Variants in EVI2A observed in about 807,000 individuals in gnomAD.
EVI2A encodes ecotropic viral integration site 2A.
Under a neutral mutation model 13.0 loss-of-function variants are expected in EVI2A, and 11 were observed. The ratio of observed to expected loss-of-function variants is 0.85; its 90% CI spans 0.53 to 1.40. The LOEUF (loss-of-function observed/expected upper bound fraction) is 1.40, where lower values mean the gene tolerates loss of function less well. Among genes scored for constraint, EVI2A ranks in the 40% most tolerant of loss-of-function variants. The pLI is 0.00. For missense variants in EVI2A, 267 were observed against 279.5 expected (o/e 0.96, Z 0.32); for synonymous variants, 89 against 98.0 (o/e 0.91, Z 0.54).
chr17:31,319,420 C>G (rs7222606), intron 1 of EVI2A, among the ~76,000 whole-genome samples: 16,835 of 151,728 alleles, frequency 0.11, 2,557 homozygotes, highest in African/African-American at 0.34. Flanking sequence ...ACTACCCACC[C>G]TCTAACCTGT....
rs1392337089 is a variant in EVI2A at position 31,316,971 on chromosome 17, A to C, written c.*1332T>G. ...CAATGCTTAGAGTTCACCCCATTCC[A>C]GTTGCATCAGAAGGAAGACATGGGA... is the stretch of plus-strand genomic sequence containing the variant. On this transcript the variant is annotated 3_prime_UTR_variant, in exon 2 of 2. Coordinates refer to ENST00000462804, the MANE Select transcript of EVI2A (RefSeq NM_014210.4). Among the ~76,000 whole-genome samples the C allele has an allele frequency of 2.6e-5, 4 of 152,172 alleles. No individual in the cohort carries two copies. The highest frequency in any genetic ancestry group is 1.3e-4 in the Admixed American group (2 of 15,270).
At chr17:31,320,564 C>T in intron 1 of EVI2A, 1 of 704,924 alleles carries the variant, frequency 1.4e-6, no homozygotes, top group Non-Finnish European at 2.3e-6. Context: ...TTGAGTTATG[C>T]AAACAAAAGT....
At position 31,318,924 on chromosome 17, in the gene EVI2A, T is replaced by G. The variant is rs781668472; in HGVS notation, c.90A>C (p.Ala30=). The G allele has an allele frequency of 6.2e-7, 1 of 1,614,062 alleles. No homozygotes were observed. The highest frequency in any genetic ancestry group is 1.3e-5 in the African/African-American group (1 of 75,046). The change falls in exon 2 of 2, where the codon GCA becomes GCC. Residue 30 remains alanine (A), a synonymous_variant. Transcript: ENST00000462804. ...TGTTAGCCCACAGACGGGTATAGTTTGCTTTTGTTCCAGGAGACAAAGAAA... is the reference window on the plus strand; with the variant it reads ...TGTTAGCCCACAGACGGGTATAGTTGGCTTTTGTTCCAGGAGACAAAGAAA... The part of the protein sequence containing the change: ...TVFSLSPGTK[A]NYTRLWANST...
In EVI2A at chr17:31,318,357, C is replaced by T. The variant is rs567583982; in HGVS notation, c.657G>A (p.Arg219=). 5 of 1,612,770 alleles carry T rather than the reference C, an allele frequency of 3.1e-6. No individual in the cohort carries two copies. The African/African-American group carries it at 4.0e-5, about 13-fold the overall frequency. ...CAGTTCCTTCTTCATCTTTTCTTTCCCTTGTAGCTGTGAGCACTCCAGTAG... is the reference window on the plus strand; with the variant it reads ...CAGTTCCTTCTTCATCTTTTCTTTCTCTTGTAGCTGTGAGCACTCCAGTAG... ...MQSTGVLTAT[R]ERKDEEGTEK... The change falls in exon 2 of 2, where the codon AGG becomes AGA. Residue 219 remains arginine, a synonymous_variant. Transcript: ENST00000462804.
chr17:31,320,434 A>G (rs1297495022), intron 1 of EVI2A: 1 of 1,610,918 alleles, frequency 6.2e-7, no homozygotes, highest in Admixed American at 1.7e-5. Context: ...AGCAACATGG[A>G]TGCCACTGCT....
intron 1 of EVI2A, 125 bp downstream of exon 1, chr17:31,321,370 T>C (rs2069186795): frequency 6.6e-6 from 1 of 152,126 alleles, no homozygotes. Context: ...AAAGTATACA[T>C]TTTCAGTCAC....
rs190013343 is a variant in EVI2A, at chr17:31,318,820, G to A, written c.194C>T (p.Thr65Ile). ...QNENINTNPI[T>I]PEVDYKGNST... ...ATTACCTTTATAATCTACTTCAGGA[G>A]TTATAGGGTTTGTGTTAATGTTTTC... is the stretch of plus-strand genomic sequence containing the variant. Residue 65 changes from threonine (T) to isoleucine (I), a missense_variant, in exon 2 of 2, where the codon ACT becomes ATT. Thr to Ile is a moderately conservative substitution (Grantham distance 89). Transcript: ENST00000462804. The A allele has an allele frequency of 1.7e-4, 274 of 1,613,976 alleles. 3 individuals are homozygous for A. In the East Asian group the frequency reaches 6.0e-3, roughly 35 times the overall value.
chr17:31,319,228 T>G (rs1023526310), intron 1 of EVI2A, among the ~76,000 whole-genome samples: 1 of 152,230 alleles, frequency 6.6e-6, no homozygotes, highest in Non-Finnish European at 1.5e-5. Context: ...ATTAACACTT[T>G]TAGATGCTAG....
chr17:31,320,848 C>G (rs577363592), intron 1 of EVI2A: 70 of 170,054 alleles, frequency 4.1e-4, no homozygotes, highest in African/African-American at 1.6e-3. Flanking sequence ...CTAGACTGGA[C>G]TTCTGTATTA....
At chr17:31,320,405 G>T in intron 1 of EVI2A, 1 of 1,606,218 alleles carries the variant, frequency 6.2e-7, no homozygotes. Flanking sequence ...GAAAGTCTTT[G>T]TTTCCAAACC....
Position 31,318,328 on chromosome 17 carries a change from T to C in EVI2A, c.686A>G (p.Lys229Arg), listed in dbSNP as rs2069078730. 1 of 1,609,756 alleles carries C rather than the reference T, an allele frequency of 6.2e-7. No homozygotes were observed. The highest frequency in any genetic ancestry group is 8.5e-7 in the Non-Finnish European group (1 of 1,178,896). ...CTAACCTATCTGTTTGTTAGTAAGT[T>C]TTTCAGTTCCTTCTTCATCTTTTCT... ...RERKDEEGTE[K>R]LTNKQIG Residue 229 changes from lysine (K) to arginine (R), a missense_variant, in exon 2 of 2, where the codon AAA (lysine) becomes AGA (arginine). Physicochemically the swap from Lys to Arg is conservative, Grantham distance 26 (BLOSUM62 2). Transcript: ENST00000462804.
At position 31,318,292 on chromosome 17, in the gene EVI2A, A is replaced by AT; in HGVS notation, c.*10dup. The AT allele has an allele frequency of 6.3e-7, 1 of 1,589,194 alleles. No homozygotes were observed. The highest frequency in any genetic ancestry group is 8.5e-7 in the Non-Finnish European group (1 of 1,170,906). ...ATAAGCCTTCTCATTGCTACTTTGC[A>AT]TTTTTCTTCACTAACCTATCTGTTT... On this transcript the variant is annotated 3_prime_UTR_variant, in exon 2 of 2. Coordinates refer to ENST00000462804, the MANE Select transcript of EVI2A (RefSeq NM_014210.4).
rs929078597 is a variant in EVI2A, at chr17:31,317,657, T to C, written c.*646A>G. 3 of 152,196 alleles carry C rather than the reference T, an allele frequency of 2.0e-5. No individual in the cohort carries two copies. Among genetic ancestry groups the C allele is most frequent in the Non-Finnish European group, 4.4e-5 (3 of 68,020 alleles). 9.4% of individuals were successfully genotyped at this position (152,196 alleles called of 1,614,324 possible). A position where few individuals can be genotyped will look rare whatever the true frequency, so the allele number is the denominator to read the frequency against. On this transcript the variant is annotated 3_prime_UTR_variant, in exon 2 of 2. Coordinates refer to ENST00000462804, the MANE Select transcript of EVI2A (RefSeq NM_014210.4). ...TAAAGTAATAAAGTGAATGCAAATA[T>C]ACGTGGTCACAGGTTTATTCTGAGT...
rs540191131 is a variant in EVI2A at position 31,318,527 on chromosome 17, C to G, written c.487G>C (p.Val163Leu). 22 of 1,614,034 alleles carry G rather than the reference C, an allele frequency of 1.4e-5. No homozygotes were observed. In the South Asian group the frequency reaches 2.3e-4, roughly 17 times the overall value. The change falls in exon 2 of 2, where the codon GTC (valine) becomes CTC (leucine). Residue 163 changes from valine to leucine, a missense_variant. Physicochemically the swap from Val to Leu is conservative, Grantham distance 32. Coordinates refer to ENST00000462804, the MANE Select transcript of EVI2A (RefSeq NM_014210.4). Reference sequence around the variant, plus strand: ...TGTTTTGATCGTCTGAGAGAAGAGACTTTGTTTGCCAAAACCACAGTTGAT... The same window carrying G: ...TGTTTTGATCGTCTGAGAGAAGAGAGTTTGTTTGCCAAAACCACAGTTGAT... ...FLSTVVLANK[V>L]SSLRRSKQVG...
chr17:31,320,264 A>G, intron 1 of EVI2A: 1 of 785,034 alleles, frequency 1.3e-6, no homozygotes, highest in Non-Finnish European at 1.9e-6. Flanking sequence ...CCTGAGATTT[A>G]CTAAATGAAA....
In EVI2A at chr17:31,318,712, C is replaced by G. The variant is rs766322950; in HGVS notation, c.302G>C (p.Ser101Thr). ...EQELYIPSVVSNSPSTVQSIE... is the reference protein window; with the variant it reads ...EQELYIPSVVTNSPSTVQSIE... Reference sequence around the variant, plus strand: ...GCTCTGTACTGTTGAAGGACTGTTGCTGACGACAGAAGGTATATAAAGCTC... The same window carrying G: ...GCTCTGTACTGTTGAAGGACTGTTGGTGACGACAGAAGGTATATAAAGCTC... Residue 101 changes from serine to threonine, a missense_variant, in exon 2 of 2, where the codon AGC becomes ACC. Physicochemically the swap from Ser to Thr is moderately conservative, Grantham distance 58 (BLOSUM62 1). Transcript: ENST00000462804. The G allele has an allele frequency of 1.2e-6, 2 of 1,614,060 alleles. No individual in the cohort carries two copies. Among genetic ancestry groups the G allele is most frequent in the South Asian group, 1.1e-5 (1 of 91,080 alleles).
Position 31,318,456 on chromosome 17 carries a change from G to T in EVI2A, c.558C>A (p.Ser186Arg). The T allele has an allele frequency of 2.5e-6, 4 of 1,613,956 alleles. No individual in the cohort carries two copies. Among genetic ancestry groups the T allele is most frequent in the Non-Finnish European group, 3.4e-6 (4 of 1,179,990 alleles). Residue 186 changes from serine to arginine, a missense_variant, in exon 2 of 2, where the codon AGC becomes AGA. Physicochemically the swap from Ser to Arg is moderately radical, Grantham distance 110 (BLOSUM62 -1). Coordinates refer to ENST00000462804, the MANE Select transcript of EVI2A (RefSeq NM_014210.4). ...TGTCTGATTCAGCGGGCCATAGACCGCTTGCCAGAAAATCGCCATTGCTTC... is the reference window on the plus strand; with the variant it reads ...TGTCTGATTCAGCGGGCCATAGACCTCTTGCCAGAAAATCGCCATTGCTTC... Reference protein sequence around the residue: ...QPRSNGDFLASGLWPAESDTW... With the variant: ...QPRSNGDFLARGLWPAESDTW...
In EVI2A at chr17:31,317,465, T is replaced by C. The variant is rs1284917755; in HGVS notation, c.*838A>G. The C allele has an allele frequency of 1.3e-5, 2 of 151,956 alleles. No homozygotes were observed. The highest frequency in any genetic ancestry group is 4.8e-5 in the African/African-American group (2 of 41,372). The allele number at this position is 151,956 out of a possible 1,614,324, so 9.4% of individuals were successfully genotyped here. A position where few individuals can be genotyped will look rare whatever the true frequency, so the allele number is the denominator to read the frequency against. ...AGTCCAAAAATTAATCAACCTTTGG[T>C]ACTTGTTGTTAATGTTCCAGTAAGT... On this transcript the variant is annotated 3_prime_UTR_variant, in exon 2 of 2. Coordinates refer to ENST00000462804, the MANE Select transcript of EVI2A (RefSeq NM_014210.4).
intron 1 of EVI2A, among the ~76,000 whole-genome samples, chr17:31,319,806 C>T (rs909978861): frequency 7.5e-5 from 11 of 147,164 alleles, no homozygotes; most frequent in African/African-American, 2.7e-4. Flanking sequence ...AAAAGTTCAA[C>T]AAAAGTTGCT....
Sources: allele counts gnomAD v4.1 joint callset (sites outside exome capture counted in the v4.1 genomes callset), GRCh38; gene constraint gnomAD v4.1.1; transcripts MANE v1.5; gene names NCBI Gene and HGNC (gene_info 2026-07-23, HGNC 2026-07-21).